MGST2: variants seen among roughly 807,000 people sequenced by gnomAD.
MGST2 encodes glutathione peroxidase MGST2.
Under a neutral mutation model 16.6 loss-of-function variants are expected in MGST2, and 9 were observed. The ratio of observed to expected loss-of-function variants is 0.54; its 90% CI spans 0.33 to 0.95. The LOEUF (loss-of-function observed/expected upper bound fraction) is 0.95, where lower values mean the gene tolerates loss of function less well. MGST2 is among the 40% of genes least tolerant of loss of function. The pLI is 0.03. For missense variants in MGST2, 159 were observed against 175.1 expected (o/e 0.91, Z 0.52); for synonymous variants, 79 against 68.0 (o/e 1.16, Z -0.79).
intron 5 of MGST2, among the ~76,000 whole-genome samples, chr4:139,711,066 T>G (rs1445756615): frequency 1.3e-5 from 2 of 151,236 alleles, no homozygotes; most frequent in East Asian, 3.9e-4. Flanking sequence ...CTGGTTGGAG[T>G]GCAGTGGCGT....
intron 5 of MGST2, among the ~76,000 whole-genome samples, chr4:139,713,119 T>C (rs570247945): frequency 2.0e-5 from 3 of 151,994 alleles, no homozygotes; most frequent in African/African-American, 7.3e-5. Flanking sequence ...GTGTGCGGAG[T>C]CAAAGTATCC....
the MGST2 span, among the ~76,000 whole-genome samples, chr4:139,749,784 G>A: frequency 6.6e-6 from 1 of 152,044 alleles, no homozygotes; most frequent in East Asian, 1.9e-4. Context: ...ATAATACAGA[G>A]TTTTGAGCAA....
intron 5 of MGST2, among the ~76,000 whole-genome samples, chr4:139,733,458 AAAAG>A (rs910775914): frequency 7.9e-5 from 12 of 151,912 alleles, no homozygotes; most frequent in African/African-American, 2.4e-4. Flanking sequence ...CTCCACTGGG[AAAAG>A]AAAGAGAGAG....
At chr4:139,696,927 G>A (rs1726956022) in intron 3 of MGST2, among the ~76,000 whole-genome samples, 1 of 152,064 alleles carries the variant, frequency 6.6e-6, no homozygotes, top group Non-Finnish European at 1.5e-5. Context: ...AATTAAAGAT[G>A]TTGTGTTTGG....
At chr4:139,728,164 G>A (rs1344366506) in intron 5 of MGST2, among the ~76,000 whole-genome samples, 2 of 152,132 alleles carry the variant, frequency 1.3e-5, no homozygotes, top group East Asian at 1.9e-4. Flanking sequence ...GTAGTGAGCC[G>A]AGATCATGCC....
intron 3 of MGST2, among the ~76,000 whole-genome samples, chr4:139,700,711 C>T (rs1036244766): frequency 6.6e-6 from 1 of 152,160 alleles, no homozygotes; most frequent in East Asian, 1.9e-4. Flanking sequence ...TTGTATGTAG[C>T]GACTCTACAA....
chr4:139,709,901 G>C (rs1727674425), intron 5 of MGST2, among the ~76,000 whole-genome samples: 1 of 152,152 alleles, frequency 6.6e-6, no homozygotes, highest in Non-Finnish European at 1.5e-5. Context: ...AAATGAGGCA[G>C]GTGTCTGTGC....
chr4:139,720,425 A>G, intron 5 of MGST2: 1 of 1,023,528 alleles, frequency 9.8e-7, no homozygotes, highest in Non-Finnish European at 1.4e-6. Context: ...ATTCCTTTAT[A>G]TGAAAGGATC....
At chr4:139,708,677 T>C (rs997614233), downstream of MGST2, among the ~76,000 whole-genome samples, 2 of 152,220 alleles carry the variant, frequency 1.3e-5, no homozygotes. Context: ...CAAATGGCAA[T>C]GTGAGATCCT....
chr4:139,668,152 ATTAAAAGAGT>A (rs1436125723), intron 1 of MGST2, among the ~76,000 whole-genome samples: 1 of 152,230 alleles, frequency 6.6e-6, no homozygotes, highest in Non-Finnish European at 1.5e-5. Context: ...TTGGCAATTG[ATTAAAAGAGT>A]TTATCTACAG....
chr4:139,752,791 C>A, the MGST2 span, among the ~76,000 whole-genome samples: 6 of 152,070 alleles, frequency 3.9e-5, no homozygotes, highest in Non-Finnish European at 7.4e-5. Flanking sequence ...AAGCTAGAGG[C>A]AGGCAATAAT....
chr4:139,685,451 C>G (rs1003199104), intron 2 of MGST2: 2 of 153,134 alleles, frequency 1.3e-5, no homozygotes, highest in African/African-American at 2.4e-5. Context: ...TGTGTCTGCT[C>G]TCATTCTCTT....
At chr4:139,687,962 T>C (rs888673240) in intron 2 of MGST2, among the ~76,000 whole-genome samples, 1 of 152,258 alleles carries the variant, frequency 6.6e-6, no homozygotes, top group Admixed American at 6.5e-5. Context: ...TTTACGTTAT[T>C]ACTGAATTTA....
chr4:139,699,621 A>G (rs1727126493), intron 3 of MGST2, among the ~76,000 whole-genome samples: 1 of 152,192 alleles, frequency 6.6e-6, no homozygotes, highest in Admixed American at 6.5e-5. Context: ...GCACAATCCA[A>G]TATATTTATT....
At chr4:139,719,935 T>C (rs773549808) in intron 5 of MGST2, 3 of 1,614,082 alleles carry the variant, frequency 1.9e-6, no homozygotes, top group Admixed American at 1.7e-5. Context: ...CCTGGCCTAC[T>C]GGCCCTTTCA....
chr4:139,693,889 G>A (rs1579318431), intron 2 of MGST2, among the ~76,000 whole-genome samples: 1 of 152,148 alleles, frequency 6.6e-6, no homozygotes, highest in East Asian at 1.9e-4. Flanking sequence ...CACTCTCCTG[G>A]CCCTTAGAGA....
At chr4:139,726,658 C>G (rs770400713) in intron 5 of MGST2, among the ~76,000 whole-genome samples, 1 of 151,046 alleles carries the variant, frequency 6.6e-6, no homozygotes, top group Non-Finnish European at 1.5e-5. Context: ...TGAAGCCACA[C>G]TGCCTGTAAA....
intron 5 of MGST2, among the ~76,000 whole-genome samples, chr4:139,733,867 T>C (rs1434880060): frequency 6.6e-6 from 1 of 152,160 alleles, no homozygotes. Flanking sequence ...TTAAATTCTT[T>C]GTATAGATGG....
At chr4:139,694,048 T>G (rs1470333810) in intron 2 of MGST2, among the ~76,000 whole-genome samples, 1 of 152,144 alleles carries the variant, frequency 6.6e-6, no homozygotes, top group East Asian at 1.9e-4. Context: ...GATGATTGAG[T>G]TATTACTGGG....
Sources: gnomAD v4.1 joint callset for allele counts (sites outside exome capture counted in the v4.1 genomes callset) on GRCh38, gnomAD v4.1.1 for gene constraint, MANE v1.5 for transcripts, NCBI Gene and HGNC (gene_info 2026-07-23, HGNC 2026-07-21) for gene names.